Variants in VMA12 observed in about 807,000 individuals in gnomAD.
VMA12 encodes the protein vacuolar ATPase assembly protein VMA12.
the VMA12 span, chr17:28,358,874 C>T: frequency 6.5e-7 from 1 of 1,549,402 alleles, no homozygotes; most frequent in Non-Finnish European, 8.8e-7. Context: ...CCTTCAACCT[C>T]AGCTCGTGGA....
the VMA12 span, chr17:28,360,397 G>A: frequency 1.3e-5 from 11 of 827,260 alleles, no homozygotes; most frequent in Admixed American, 1.4e-4. Context: ...GAGTCAAAAT[G>A]GTTCCAGACA....
chr17:28,358,090 G>A, the VMA12 span: 43 of 596,064 alleles, frequency 7.2e-5, no homozygotes, highest in Non-Finnish European at 1.1e-4. Context: ...CTGCTCTTTT[G>A]AGAGCCCCCT....
the VMA12 span, chr17:28,360,933 G>A: frequency 1.7e-6 from 2 of 1,173,592 alleles, no homozygotes; most frequent in East Asian, 2.3e-5. Context: ...CCTTGCACAG[G>A]TTAGGTATTG....
chr17:28,360,730 C>G, the VMA12 span: 1 of 1,613,790 alleles, frequency 6.2e-7, no homozygotes, highest in Non-Finnish European at 8.5e-7. Context: ...GGCTCCTCCC[C>G]AAAGTGAGAT....
chr17:28,358,275 T>C, the VMA12 span: 3 of 415,364 alleles, frequency 7.2e-6, no homozygotes, highest in South Asian at 5.4e-5. Flanking sequence ...AGTGGTGAAA[T>C]CTGATACTTT....
the VMA12 span, chr17:28,358,373 G>C: frequency 2.1e-6 from 1 of 472,222 alleles, no homozygotes; most frequent in African/African-American, 2.0e-5. Context: ...TCCAGTCCTA[G>C]CTCTGTCACT....
the VMA12 span, chr17:28,359,457 C>A: frequency 6.5e-7 from 1 of 1,534,370 alleles, no homozygotes; most frequent in South Asian, 1.1e-5. Context: ...GAGTAGGGCC[C>A]TGCAGTGGAA....
chr17:28,360,372 C>T, the VMA12 span: 1 of 669,428 alleles, frequency 1.5e-6, no homozygotes, highest in African/African-American at 1.8e-5. Flanking sequence ...AATGCCTGCT[C>T]TGTAGTCCAG....
chr17:28,360,509 CTTCTT>C, the VMA12 span: 15 of 1,613,518 alleles, frequency 9.3e-6, no homozygotes, highest in African/African-American at 1.9e-4. Flanking sequence ...TCTGAATCAT[CTTCTT>C]TTTCTTTTTC....
chr17:28,360,954 T>A, the VMA12 span: 3 of 1,026,016 alleles, frequency 2.9e-6, no homozygotes, highest in Non-Finnish European at 4.5e-6. Context: ...AACAGATATT[T>A]ATGCCATTAA....
chr17:28,358,878 T>C, the VMA12 span: 9 of 1,564,498 alleles, frequency 5.8e-6, no homozygotes, highest in Non-Finnish European at 7.0e-6. Context: ...CAACCTCAGC[T>C]CGTGGATCAT....
At chr17:28,357,837 C>A in the VMA12 span, 1 of 1,614,132 alleles carries the variant, frequency 6.2e-7, no homozygotes, top group Admixed American at 1.7e-5. Context: ...CGCTTGGTTT[C>A]TTTCCGTCTC....
the VMA12 span, chr17:28,361,273 C>T: frequency 1.2e-6 from 2 of 1,612,204 alleles, no homozygotes; most frequent in Non-Finnish European, 1.7e-6. Context: ...ATCATCAAGT[C>T]TAGAGAAGAC....
At chr17:28,359,772 G>A in the VMA12 span, among the ~76,000 whole-genome samples, 104 of 152,166 alleles carry the variant, frequency 6.8e-4, 2 homozygotes, top group South Asian at 0.021. Context: ...TGGCGTGGTG[G>A]CGGGCACCTG....
chr17:28,360,612 A>G, the VMA12 span: 44 of 1,613,072 alleles, frequency 2.7e-5, no homozygotes, highest in Non-Finnish European at 3.7e-5. Flanking sequence ...CCTTTTCCTG[A>G]GATGGGTCAT....
chr17:28,359,788 C>A, the VMA12 span, among the ~76,000 whole-genome samples: 1 of 152,104 alleles, frequency 6.6e-6, no homozygotes, highest in East Asian at 2.0e-4. Flanking sequence ...ACCTGTAATC[C>A]CAGCTACTCG....
At chr17:28,362,983 T>C in the VMA12 span, 9 of 152,358 alleles carry the variant, frequency 5.9e-5, no homozygotes, top group East Asian at 1.4e-3. Context: ...ACAAGAAGTT[T>C]AGGGCCTTCC....
chr17:28,358,571 T>C, the VMA12 span: 1 of 486,740 alleles, frequency 2.1e-6, no homozygotes, highest in Non-Finnish European at 4.2e-6. Flanking sequence ...CTAGTATTAG[T>C]GTCCTCTGAG....
chr17:28,360,354 C>G, the VMA12 span: 2 of 601,526 alleles, frequency 3.3e-6, no homozygotes, highest in East Asian at 5.8e-5. Context: ...CCTATGTCCT[C>G]TCTCCGAAAT....
Sources: allele counts gnomAD v4.1 joint callset (sites outside exome capture counted in the v4.1 genomes callset), GRCh38; gene constraint gnomAD v4.1.1; transcripts MANE v1.5; gene names NCBI Gene and HGNC (gene_info 2026-07-23, HGNC 2026-07-21).